Variants in RBFOX1 observed in about 807,000 individuals in gnomAD.
The protein encoded by RBFOX1 is RNA binding protein fox-1 homolog 1.
A neutral mutation model predicts 57.7 loss-of-function variants in RBFOX1; 8 were observed. The observed-to-expected ratio is 0.14, with a 90% CI of 0.08 to 0.25. The LOEUF is 0.25. Ranked by LOEUF, RBFOX1 falls within the 10% of genes least tolerant of loss-of-function variation. The pLI is 1.00. For synonymous variants in RBFOX1, 326 were observed against 222.4 expected, an observed-to-expected ratio of 1.47 and a Z score of -4.15; for missense variants, 611 against 548.5, an observed-to-expected ratio of 1.11 and a Z score of -1.14.
intron 1 of RBFOX1, among the ~76,000 whole-genome samples, chr16:5,423,511 C>T (rs1460441503): frequency 6.6e-6 from 1 of 152,216 alleles, no homozygotes; most frequent in Non-Finnish European, 1.5e-5. Flanking sequence ...CACCACCTGT[C>T]TCATGGTGAA....
chr16:7,260,739 G>A (rs1014846808), intron 4 of RBFOX1, among the ~76,000 whole-genome samples: 4 of 151,986 alleles, frequency 2.6e-5, no homozygotes, highest in South Asian at 2.1e-4. Context: ...AGCTTTTTAC[G>A]AACTTCAGGA....
rs2095606458 is a variant in RBFOX1, at chr16:7,284,315, GTATGTT to G, written c.27+232226_27+232231del. Among the ~76,000 whole-genome samples, 4 of 152,260 alleles carry G rather than the reference GTATGTT, an allele frequency of 2.6e-5. No homozygotes were observed. In the South Asian group the frequency reaches 8.3e-4, roughly 32 times the overall value. On this transcript the variant is annotated intron_variant, in intron 4 of 15. Coordinates refer to ENST00000550418, the MANE Select transcript of RBFOX1 (RefSeq NM_018723.4). Reference sequence around the variant, plus strand: ...AGGAGTGGTGTTGCTGGATTGAGAAGTATGTTTATGTTTAACTTTATTCATTCATTT... The same window carrying G: ...AGGAGTGGTGTTGCTGGATTGAGAAGTATGTTTAACTTTATTCATTCATTT...
chr16:6,905,532 G>A lies in RBFOX1; in HGVS notation c.-15-146525G>A, dbSNP rs145900200. On this transcript the variant is annotated intron_variant, in intron 3 of 15. Transcript: ENST00000550418. ...GATGCCACTGCACTCTAGCCTAGGG[G>A]ACAGAGTTAGACTCCATCTCAAAAA... Among the ~76,000 whole-genome samples the A allele has an allele frequency of 1.7e-3, 253 of 145,394 alleles. 1 individual carries two copies. Among genetic ancestry groups the A allele is most frequent in the Non-Finnish European group, 1.8e-3 (121 of 66,920 alleles).
At chr16:7,239,217 C>T (rs552603706) in intron 4 of RBFOX1, among the ~76,000 whole-genome samples, 2 of 152,144 alleles carry the variant, frequency 1.3e-5, no homozygotes, top group East Asian at 3.9e-4. Context: ...TGCCAGGATG[C>T]CCAGGAAAAG....
intron 1 of RBFOX1, among the ~76,000 whole-genome samples, chr16:6,098,882 T>C (rs1335259385): frequency 6.6e-6 from 1 of 152,052 alleles, no homozygotes; most frequent in Non-Finnish European, 1.5e-5. Context: ...TGGTAAATAA[T>C]TGGGAGGGAT....
intron 4 of RBFOX1, among the ~76,000 whole-genome samples, chr16:7,078,497 G>A (rs2058648946): frequency 6.6e-6 from 1 of 151,786 alleles, no homozygotes; most frequent in African/African-American, 2.4e-5. Flanking sequence ...ATAGGTGCCT[G>A]CCATCACGCC....
At chr16:6,089,826 G>A (rs2096144965) in intron 1 of RBFOX1, among the ~76,000 whole-genome samples, 1 of 152,166 alleles carries the variant, frequency 6.6e-6, no homozygotes, top group African/African-American at 2.4e-5. Flanking sequence ...CCATCGCTTT[G>A]CATAAATCAT....
intron 3 of RBFOX1, among the ~76,000 whole-genome samples, chr16:5,861,515 T>C (rs1279411951): frequency 6.6e-6 from 1 of 152,200 alleles, no homozygotes; most frequent in African/African-American, 2.4e-5. Flanking sequence ...TTCAATTTGC[T>C]CTCCCACCTG....
chr16:5,529,724 G>A (rs1026988148), intron 2 of RBFOX1, among the ~76,000 whole-genome samples: 1 of 151,814 alleles, frequency 6.6e-6, no homozygotes, highest in Admixed American at 6.6e-5. Context: ...GTGCCACCAC[G>A]CCTGGCTAAT....
intron 2 of RBFOX1, among the ~76,000 whole-genome samples, chr16:6,344,239 C>T (rs978069443): frequency 7.9e-5 from 12 of 151,734 alleles, no homozygotes; most frequent in African/African-American, 2.7e-4. Flanking sequence ...TTAGTAGACA[C>T]GGGGTTTCAC....
intron 4 of RBFOX1, among the ~76,000 whole-genome samples, chr16:7,225,403 T>G (rs2093030635): frequency 6.6e-6 from 1 of 152,070 alleles, no homozygotes; most frequent in African/African-American, 2.4e-5. Flanking sequence ...CCCTCTACGG[T>G]TGGTTCTCAT....
chr16:5,522,639 T>C (rs8048083), intron 2 of RBFOX1, among the ~76,000 whole-genome samples: 125,934 of 152,146 alleles, frequency 0.83, 52,899 homozygotes, highest in East Asian at 0.99. Flanking sequence ...GATCTTATTC[T>C]TTCTTTGTTT....
intron 4 of RBFOX1, among the ~76,000 whole-genome samples, chr16:7,252,945 G>T (rs1010443868): frequency 6.6e-6 from 1 of 152,096 alleles, no homozygotes. Context: ...CACACATTTT[G>T]TAAATTTTGT....
intron 7 of RBFOX1, among the ~76,000 whole-genome samples, chr16:7,590,718 G>C (rs552771570): frequency 1.3e-5 from 2 of 152,130 alleles, no homozygotes; most frequent in East Asian, 3.9e-4. Flanking sequence ...AATTAGCAGG[G>C]TGTGGTGGTG....
At chr16:6,875,041 C>T (rs369657069) in intron 3 of RBFOX1, among the ~76,000 whole-genome samples, 2 of 152,048 alleles carry the variant, frequency 1.3e-5, no homozygotes, top group African/African-American at 4.8e-5. Flanking sequence ...TGAGTGGGAG[C>T]AAGTGTGGTC....
At chr16:7,209,163 T>A (rs1156844714) in intron 4 of RBFOX1, among the ~76,000 whole-genome samples, 1 of 147,698 alleles carries the variant, frequency 6.8e-6, no homozygotes, top group Admixed American at 6.8e-5. Context: ...ATAATAATAA[T>A]AATAATAATA....
intron 3 of RBFOX1, among the ~76,000 whole-genome samples, chr16:6,924,395 T>C (rs2075133634): frequency 6.6e-6 from 1 of 151,798 alleles, no homozygotes; most frequent in African/African-American, 2.4e-5. Flanking sequence ...CAGCCTCCTT[T>C]AAACAACCAG....
intron 2 of RBFOX1, among the ~76,000 whole-genome samples, chr16:6,607,526 T>A (rs924923747): frequency 1.6e-4 from 24 of 148,842 alleles, no homozygotes; most frequent in South Asian, 6.5e-4. Flanking sequence ...CTCCTATCTA[T>A]CTCCTCTCCC....
intron 10 of RBFOX1, among the ~76,000 whole-genome samples, chr16:7,607,883 C>T (rs2141286354): frequency 6.6e-6 from 1 of 152,276 alleles, no homozygotes; most frequent in Admixed American, 6.5e-5. Context: ...CTTTGCCTTC[C>T]AGAATATGTC....
Sources: allele counts gnomAD v4.1 joint callset (sites outside exome capture counted in the v4.1 genomes callset), GRCh38; gene constraint gnomAD v4.1.1; transcripts MANE v1.5; gene names NCBI Gene and HGNC (gene_info 2026-07-23, HGNC 2026-07-21).